KLC1: variants seen among roughly 807,000 people sequenced by gnomAD.
KLC1 encodes the protein kinesin 2 60/70kDa.
KLC1 carries 30 observed loss-of-function variants against 84.2 expected under a neutral mutation model. The ratio of observed to expected loss-of-function variants is 0.36; its 90% CI spans 0.27 to 0.48. The LOEUF is 0.48. Ranked by LOEUF, KLC1 falls within the 20% of genes least tolerant of loss-of-function variation. The pLI is 0.99. For missense variants in KLC1, 499 were observed against 805.4 expected, an observed-to-expected ratio of 0.62 and a Z score of 4.60; for synonymous variants, 289 against 293.3, an observed-to-expected ratio of 0.99 and a Z score of 0.15.
intron 1 of KLC1, among the ~76,000 whole-genome samples, chr14:103,641,652 A>C (rs1423306548): frequency 6.6e-6 from 1 of 152,158 alleles, no homozygotes; most frequent in East Asian, 1.9e-4. Flanking sequence ...GCTGGAGTGC[A>C]GTGGCACAAT....
rs1276093338 is a variant in KLC1 at position 103,693,576 on chromosome 14, C to T, written c.1848+1151C>T. ...AGGAACGAAATAATTGTCTGGCCGA[C>T]TCGCGAGCTCTGAGTGCCAGCCACA... On this transcript the variant is annotated intron_variant, in intron 15 of 16. Coordinates refer to ENST00000334553, the MANE Select transcript of KLC1 (RefSeq NM_001394837.1). The surrounding 1 kb of genome is among the most constrained non-coding windows in gnomAD (Gnocchi z 5.1). The T allele has an allele frequency of 1.3e-6, 2 of 1,536,136 alleles. No homozygotes were observed. Among genetic ancestry groups the T allele is most frequent in the Non-Finnish European group, 1.7e-6 (2 of 1,146,910 alleles).
Position 103,670,186 on chromosome 14 carries a change from C to T in KLC1, c.890C>T (p.Ala297Val). 1.9e-6 allele frequency: 3 copies of T among 1,609,568 alleles called. No homozygotes were observed. Among genetic ancestry groups the T allele is most frequent in the South Asian group, 1.1e-5 (1 of 90,666 alleles). ...KTLGKDHPAV[A>V]ATLNNLAVLY... ...TGGTTCTCTCTGTGTTGACAGGTGG[C>T]GGCGACTTTGAATAACCTTGCAGTC... Residue 297 changes from alanine to valine, a missense_variant, in exon 7 of 17, where the codon GCG (alanine) becomes GTG (valine). Ala to Val is a moderately conservative substitution (Grantham distance 64). Transcript: ENST00000334553.
At chr14:103,677,915 C>T (rs1255562020) in intron 12 of KLC1, among the ~76,000 whole-genome samples, 11 of 151,076 alleles carry the variant, frequency 7.3e-5, no homozygotes, top group Admixed American at 2.0e-4. Context: ...TGCAGTGAGC[C>T]GATATCATGC....
chr14:103,683,274 GAC>G (rs1400516517), intron 13 of KLC1: 3 of 152,166 alleles, frequency 2.0e-5, no homozygotes, highest in Non-Finnish European at 4.4e-5. Flanking sequence ...TCCAGGGAAG[GAC>G]AGTTCTCTTC....
chr14:103,674,728 T>G (rs1193458509), intron 9 of KLC1, among the ~76,000 whole-genome samples: 4 of 152,222 alleles, frequency 2.6e-5, no homozygotes, highest in Non-Finnish European at 4.4e-5. Context: ...ATTTGTATCT[T>G]TTCTACTTTT....
chr14:103,690,445 G>T (rs1452562544), intron 14 of KLC1, among the ~76,000 whole-genome samples: 2 of 152,184 alleles, frequency 1.3e-5, no homozygotes, highest in South Asian at 2.1e-4. Context: ...TTCGGCAGGG[G>T]CTGGCTGAGT....
intron 1 of KLC1, among the ~76,000 whole-genome samples, chr14:103,642,534 A>G (rs1164202053): frequency 6.6e-6 from 1 of 152,132 alleles, no homozygotes; most frequent in African/African-American, 2.4e-5. Context: ...TTCTGATTCC[A>G]TTGTACCAAA....
intron 7 of KLC1, among the ~76,000 whole-genome samples, chr14:103,672,813 T>C (rs2080527915): frequency 6.6e-6 from 1 of 152,150 alleles, no homozygotes; most frequent in African/African-American, 2.4e-5. Flanking sequence ...CACAGTTCCC[T>C]CCCTCCCCTC....
chr14:103,677,063 C>T (rs115218506), intron 11 of KLC1, among the ~76,000 whole-genome samples: 2,467 of 152,262 alleles, frequency 0.016, 64 homozygotes, highest in African/African-American at 0.055. Context: ...TTACTGTCAG[C>T]GCAGACCAAG....
In KLC1 at chr14:103,696,055, C is replaced by A. The variant is rs2082454591; in HGVS notation, c.1848+3630C>A. Reference sequence around the variant, plus strand: ...GAGGAACCCCACGCGAGAGTCAGCACCTGTTTCTTCAGAGTTGCTGTCAAA... The same window carrying A: ...GAGGAACCCCACGCGAGAGTCAGCAACTGTTTCTTCAGAGTTGCTGTCAAA... On this transcript the variant is annotated intron_variant, in intron 15 of 16. Coordinates refer to ENST00000334553, the MANE Select transcript of KLC1 (RefSeq NM_001394837.1). The A allele has an allele frequency of 5.1e-6, 5 of 984,434 alleles. No homozygotes were observed. In the African/African-American group the frequency reaches 8.8e-5, roughly 17 times the overall value. 61.0% of individuals were successfully genotyped at this position (984,434 alleles called of 1,614,324 possible).
At chr14:103,700,477 T>G in intron 15 of KLC1, 178 bp from the exon 16 acceptor site, 1 of 547,002 alleles carries the variant, frequency 1.8e-6, no homozygotes, top group Non-Finnish European at 3.2e-6. Context: ...AGCAGTGTAG[T>G]TCAGGCCCCA....
chr14:103,697,281 A>G, intron 15 of KLC1: 1 of 269,294 alleles, frequency 3.7e-6, no homozygotes, highest in Non-Finnish European at 5.7e-6. Context: ...ATGAAGGTTT[A>G]AACGGATTGT....
chr14:103,695,917 T>C, intron 15 of KLC1: 4 of 985,374 alleles, frequency 4.1e-6, no homozygotes, highest in Non-Finnish European at 4.8e-6. Context: ...TTCCACCCAA[T>C]AGAAGTGCGG....
At chr14:103,654,474 TGTTA>T in intron 1 of KLC1, 86 bp from the exon 2 acceptor site, 1 of 998,816 alleles carries the variant, frequency 1.0e-6, no homozygotes, top group Non-Finnish European at 1.4e-6. Context: ...CCCTATAAAA[TGTTA>T]ATTAAAAAAT....
chr14:103,655,249 G>A (rs1197429007), intron 2 of KLC1, among the ~76,000 whole-genome samples: 2 of 151,960 alleles, frequency 1.3e-5, no homozygotes, highest in Non-Finnish European at 2.9e-5. Flanking sequence ...AAACAAAACA[G>A]ATCATGTGTT....
intron 9 of KLC1, 67 bp from the exon 10 acceptor site, chr14:103,675,485 G>C: frequency 7.2e-7 from 1 of 1,379,476 alleles, no homozygotes; most frequent in Non-Finnish European, 1.0e-6. Flanking sequence ...ATTCCCCTTA[G>C]AGCAGTTCAG....
intron 1 of KLC1, among the ~76,000 whole-genome samples, chr14:103,633,549 T>C (rs1463270868): frequency 1.3e-5 from 2 of 152,084 alleles, no homozygotes; most frequent in Non-Finnish European, 2.9e-5. Context: ...GTAAGGGTTA[T>C]AGTGGAGCTG....
rs1567027218 is a variant in KLC1, at chr14:103,669,579, T to C, written c.866T>C (p.Leu289Ser). ...NDALAIREKT[L>S]GKDHPAVAAT... ...GCCTTGGCTATTCGTGAGAAAACTT[T>C]GGGCAAAGATCATCCTGCGGTTTGT... The change falls in exon 6 of 17, where the codon TTG (leucine) becomes TCG (serine). Residue 289 changes from leucine to serine, a missense_variant. Physicochemically the swap from Leu to Ser is moderately radical, Grantham distance 145 (BLOSUM62 -2). Transcript: ENST00000334553. The C allele has an allele frequency of 1.9e-6, 3 of 1,609,340 alleles. No homozygotes were observed. The highest frequency in any genetic ancestry group is 2.2e-5 in the South Asian group (2 of 90,966).
intron 1 of KLC1, among the ~76,000 whole-genome samples, chr14:103,633,924 A>G (rs545185762): frequency 1.5e-4 from 23 of 152,086 alleles, no homozygotes; most frequent in Non-Finnish European, 2.5e-4. Context: ...GATGGAGTGC[A>G]GTGGCATGAT....
Sources: gnomAD v4.1 joint callset for allele counts (sites outside exome capture counted in the v4.1 genomes callset) on GRCh38, gnomAD v4.1.1 for gene constraint, Gnocchi (gnomAD v3.1) non-coding constraint, MANE v1.5 for transcripts, NCBI Gene and HGNC (gene_info 2026-07-23, HGNC 2026-07-21) for gene names.